The following TRIM46 variants were observed in gnomAD, a reference collection of about 807,000 sequenced individuals.
The protein encoded by TRIM46 is tripartite motif-containing protein 46.
Under a neutral mutation model 69.7 loss-of-function variants are expected in TRIM46, and 17 were observed. The observed-to-expected ratio is 0.24, with a 90% CI of 0.17 to 0.37. The LOEUF (loss-of-function observed/expected upper bound fraction) is 0.37, where lower values mean the gene tolerates loss of function less well. TRIM46 is among the 10% of genes least tolerant of loss of function. The probability of loss-of-function intolerance (pLI) is 1.00; values close to 1 mark genes in which losing one functional copy is unlikely to be tolerated. For synonymous variants in TRIM46, 391 were observed against 429.0 expected, an observed-to-expected ratio of 0.91 and a Z score of 1.09; for missense variants, 675 against 1,025.1, an observed-to-expected ratio of 0.66 and a Z score of 4.66.
At chr1:155,177,547 T>C (rs1473377662) in intron 5 of TRIM46, among the ~76,000 whole-genome samples, 4 of 152,150 alleles carry the variant, frequency 2.6e-5, no homozygotes, top group Admixed American at 2.0e-4. Context: ...ACCCCACGCG[T>C]AGCTCAGATG....
intron 5 of TRIM46, among the ~76,000 whole-genome samples, chr1:155,177,579 C>T (rs766739679): frequency 1.4e-4 from 21 of 152,304 alleles, no homozygotes; most frequent in Non-Finnish European, 2.5e-4. Context: ...AGGTGCCTAC[C>T]GAGGATGTCA....
chr1:155,175,148 A>T lies in TRIM46; in HGVS notation c.64-238A>T. The T allele has an allele frequency of 7.2e-7, 1 of 1,387,514 alleles. No individual in the cohort carries two copies. The highest frequency in any genetic ancestry group is 9.3e-7 in the Non-Finnish European group (1 of 1,074,542). 86.0% of individuals were successfully genotyped at this position (1,387,514 alleles called of 1,614,324 possible). ...TGGGGATTGGGCTTGAGGCTGGAGC[A>T]GGCACAAGCTCCAACCGTCCCTCCT... On this transcript the variant is annotated intron_variant, in intron 1 of 9. Transcript: ENST00000334634. The surrounding 1 kb of genome is among the most constrained non-coding windows in gnomAD (Gnocchi z 4.2).
rs770449098 is a variant in TRIM46 at position 155,178,579 on chromosome 1, G to A, written c.1251G>A (p.Glu417=). The change falls in exon 7 of 10, where the codon GAG becomes GAA. Residue 417 remains glutamate (E), a synonymous_variant. Transcript: ENST00000334634. ...FRHCQLDVGR[E]MKLLTELNFL... ...ATTGCCAGCTCGACGTGGGACGTGA[G>A]ATGAAGCTGCTGACAGAGCTTAACT... The A allele has an allele frequency of 5.6e-6, 9 of 1,614,030 alleles. No individual in the cohort carries two copies. The highest frequency in any genetic ancestry group is 7.6e-6 in the Non-Finnish European group (9 of 1,180,016).
At chr1:155,182,427 A>G in intron 9 of TRIM46, 2 of 551,846 alleles carry the variant, frequency 3.6e-6, no homozygotes, top group East Asian at 5.9e-5. Flanking sequence ...ACCATCTGTC[A>G]CTCTGGATCA....
chr1:155,179,523 C>T, intron 7 of TRIM46, 109 bp from the exon 8 acceptor site: 1 of 1,003,130 alleles, frequency 1.0e-6, no homozygotes, highest in Non-Finnish European at 1.5e-6. Flanking sequence ...CCCTCTCACC[C>T]ACACTCACCC....
Position 155,179,780 on chromosome 1 carries a change from C to G in TRIM46, c.1434C>G (p.Thr478=), listed in dbSNP as rs778231286. The G allele has an allele frequency of 4.3e-6, 7 of 1,613,212 alleles. No individual in the cohort carries two copies. The South Asian group carries it at 7.7e-5, about 18-fold the overall frequency. The change falls in exon 8 of 10, where the codon ACC becomes ACG. Residue 478 remains threonine, a synonymous_variant. Coordinates refer to ENST00000334634, the MANE Select transcript of TRIM46 (RefSeq NM_025058.5). The part of the protein sequence containing the change: ...RTDVPAQPGP[T]RWQRREEVRG... ...ATGTGCCTGCTCAGCCAGGCCCCAC[C>G]CGCTGGCAGCGGCGGGAGGAGGTGA...
chr1:155,177,350 G>A (rs1031487618), intron 5 of TRIM46, 60 bp downstream of exon 5: 1 of 1,427,162 alleles, frequency 7.0e-7, no homozygotes. Flanking sequence ...CAGGAAGGGG[G>A]TGTGGGTGAT....
rs1368493874 is a variant in TRIM46 at position 155,184,370 on chromosome 1, C to T, written c.*180C>T. ...TCTTGACCCAGGGGCTCTCTTCTGC[C>T]CACCTCTCTGGATGGCCCCCGTTCT... On this transcript the variant is annotated 3_prime_UTR_variant, in exon 10 of 10. Transcript: ENST00000334634. This position sits in a 1 kb window ranked among gnomAD's most constrained non-coding sequence, Gnocchi z 5.6. The T allele has an allele frequency of 5.8e-6, 4 of 694,746 alleles. No individual in the cohort carries two copies. Among genetic ancestry groups the T allele is most frequent in the Non-Finnish European group, 9.3e-6 (4 of 428,020 alleles). 43.0% of individuals were successfully genotyped at this position (694,746 alleles called of 1,614,324 possible). A position where few individuals can be genotyped will look rare whatever the true frequency, so the allele number is the denominator to read the frequency against.
chr1:155,178,311 T>G, intron 6 of TRIM46, 56 bp downstream of exon 6: 1 of 1,562,036 alleles, frequency 6.4e-7, no homozygotes, highest in Non-Finnish European at 8.7e-7. Flanking sequence ...GTGACCAACA[T>G]CTAGGACAAT....
chr1:155,178,204 A>C lies in TRIM46; in HGVS notation c.1112A>C (p.Lys371Thr). 1 of 1,612,932 alleles carries C rather than the reference A, an allele frequency of 6.2e-7. No individual in the cohort carries two copies. The highest frequency in any genetic ancestry group is 1.1e-5 in the South Asian group (1 of 91,036). Residue 371 changes from lysine (K) to threonine (T), a missense_variant, in exon 6 of 10, where the codon AAG (lysine) becomes ACG (threonine). Lys to Thr is a moderately conservative substitution (Grantham distance 78). Coordinates refer to ENST00000334634, the MANE Select transcript of TRIM46 (RefSeq NM_025058.5). The stretch of plus-strand genomic sequence containing the variant: ...GTGGGCTATGCCCAGGAAGTACTTA[A>C]GGAAACAGACCAGCCTTGCTTTGTG... ...GLVGYAQEVL[K>T]ETDQPCFVQA... is the part of the protein sequence containing the mutation.
Position 155,175,105 on chromosome 1 carries a change from C to A in TRIM46, c.64-281C>A. On this transcript the variant is annotated intron_variant, in intron 1 of 9. Transcript: ENST00000334634. The surrounding 1 kb of genome is among the most constrained non-coding windows in gnomAD (Gnocchi z 4.2). ...CAGGTGAGGGGGCTGCCAGCTGGGG[C>A]TACTGCAGCTGGAGAAATGGGGATT... The A allele has an allele frequency of 7.4e-7, 1 of 1,355,364 alleles. No individual in the cohort carries two copies. The highest frequency in any genetic ancestry group is 9.5e-7 in the Non-Finnish European group (1 of 1,050,890). The allele number at this position is 1,355,364 out of a possible 1,614,324, so 84.0% of individuals were successfully genotyped here. A position where few individuals can be genotyped will look rare whatever the true frequency, so the allele number is the denominator to read the frequency against.
intron 7 of TRIM46, 151 bp downstream of exon 7, chr1:155,178,764 CG>C: frequency 6.6e-7 from 1 of 1,517,172 alleles, no homozygotes; most frequent in Non-Finnish European, 8.8e-7. Flanking sequence ...CCTGCCACAC[CG>C]TCCTACCGCG....
intron 5 of TRIM46, 49 bp downstream of exon 5, chr1:155,177,339 G>T (rs1007266170): frequency 2.7e-6 from 4 of 1,487,686 alleles, no homozygotes; most frequent in Non-Finnish European, 2.8e-6. Flanking sequence ...GGGAGTAGGG[G>T]CAGGAAGGGG....
intron 8 of TRIM46, among the ~76,000 whole-genome samples, chr1:155,180,863 TCG>T (rs764509268): frequency 1.3e-5 from 2 of 151,918 alleles, no homozygotes; most frequent in Non-Finnish European, 2.9e-5. Flanking sequence ...TGAGCCGAGA[TCG>T]CGCCATTGCA....
At position 155,178,272 on chromosome 1, in the gene TRIM46, G is replaced by T; in HGVS notation, c.1163+17G>T. ...GCACAACAGGTACTCAGGGGCATGG[G>T]CTCCTAGGGGGGCAGGGACATCATG... On this transcript the variant is annotated intron_variant, in intron 6 of 9. Coordinates refer to ENST00000334634, the MANE Select transcript of TRIM46 (RefSeq NM_025058.5). 1 of 1,582,126 alleles carries T rather than the reference G, an allele frequency of 6.3e-7. No homozygotes were observed. Among genetic ancestry groups the T allele is most frequent in the Non-Finnish European group, 8.6e-7 (1 of 1,161,600 alleles).
rs1204252226 is a variant in TRIM46 at position 155,184,818 on chromosome 1, G to A, written c.*628G>A. ...CCCTTGGGGACCCAGCTGAGTCTGG[G>A]TGTTCCCATTGGGTTGGGCCAGGCA... On this transcript the variant is annotated 3_prime_UTR_variant, in exon 10 of 10. Transcript: ENST00000334634. The surrounding 1 kb of genome is among the most constrained non-coding windows in gnomAD (Gnocchi z 5.6). The A allele has an allele frequency of 6.5e-6, 1 of 153,436 alleles. No individual in the cohort carries two copies. The highest frequency in any genetic ancestry group is 1.5e-5 in the Non-Finnish European group (1 of 68,574). 9.5% of individuals were successfully genotyped at this position (153,436 alleles called of 1,614,324 possible). A position where few individuals can be genotyped will look rare whatever the true frequency, so the allele number is the denominator to read the frequency against.
chr1:155,177,368 C>A, intron 5 of TRIM46, 78 bp downstream of exon 5: 2 of 1,266,180 alleles, frequency 1.6e-6, no homozygotes, highest in Non-Finnish European at 1.2e-6. Context: ...GATCATGACC[C>A]AATCACCTTG....
chr1:155,177,363 T>C, intron 5 of TRIM46, 73 bp downstream of exon 5: 1 of 1,304,484 alleles, frequency 7.7e-7, no homozygotes, highest in Non-Finnish European at 1.1e-6. Flanking sequence ...TGGGTGATCA[T>C]GACCCAATCA....
intron 8 of TRIM46, 82 bp downstream of exon 8, chr1:155,180,016 G>C (rs778552816): frequency 1.4e-6 from 2 of 1,406,260 alleles, no homozygotes. Flanking sequence ...TCCGGTGGCC[G>C]CTAGAGAGGC....
Sources: allele counts gnomAD v4.1 joint callset (sites outside exome capture counted in the v4.1 genomes callset), GRCh38; gene constraint gnomAD v4.1.1; non-coding constraint Gnocchi (gnomAD v3.1); transcripts MANE v1.5; gene names NCBI Gene and HGNC (gene_info 2026-07-23, HGNC 2026-07-21).